The following GALNT13 variants were observed in gnomAD, a reference collection of about 807,000 sequenced individuals.
The protein encoded by GALNT13 is UDP-GalNAc:polypeptide N-acetylgalactosaminyltransferase 13.
A neutral mutation model predicts 64.2 loss-of-function variants in GALNT13; 28 were observed. The ratio of observed to expected loss-of-function variants is 0.44; its 90% CI spans 0.32 to 0.60. The LOEUF is 0.60. Ranked by LOEUF, GALNT13 falls within the 20% of genes least tolerant of loss-of-function variation. The probability of loss-of-function intolerance (pLI) is 0.05; values close to 1 mark genes in which losing one functional copy is unlikely to be tolerated. For missense variants in GALNT13, 577 were observed against 669.8 expected, an observed-to-expected ratio of 0.86 and a Z score of 1.53; for synonymous variants, 214 against 224.6, an observed-to-expected ratio of 0.95 and a Z score of 0.42.
chr2:154,193,383 T>C (rs965552358), intron 4 of GALNT13, among the ~76,000 whole-genome samples: 1 of 152,232 alleles, frequency 6.6e-6, no homozygotes, highest in African/African-American at 2.4e-5. Context: ...GTTGTTCAGT[T>C]GCATCTCCAG....
rs1701918878 is a variant in GALNT13 at position 154,452,762 on chromosome 2, T to G, written c.*2211T>G. 1 of 152,156 alleles carries G rather than the reference T, an allele frequency of 6.6e-6. No homozygotes were observed. The highest frequency in any genetic ancestry group is 6.6e-5 in the Admixed American group (1 of 15,258). The allele number at this position is 152,156 out of a possible 1,614,324, so 9.4% of individuals were successfully genotyped here. A position where few individuals can be genotyped will look rare whatever the true frequency, so the allele number is the denominator to read the frequency against. Reference sequence around the variant, plus strand: ...ATCTAACAAAAAGTGGCATAAAATATTACAAAACATCCAACACTAGAAAGC... The same window carrying G: ...ATCTAACAAAAAGTGGCATAAAATAGTACAAAACATCCAACACTAGAAAGC... On this transcript the variant is annotated 3_prime_UTR_variant, in exon 13 of 13. Transcript: ENST00000392825.
chr2:153,725,283 A>G, the GALNT13 span, among the ~76,000 whole-genome samples: 1 of 150,854 alleles, frequency 6.6e-6, no homozygotes, highest in African/African-American at 2.4e-5. Context: ...AGGAAGGGGA[A>G]TATCACACTC....
chr2:154,216,072 A>C (rs982391821), intron 4 of GALNT13, among the ~76,000 whole-genome samples: 2 of 152,144 alleles, frequency 1.3e-5, no homozygotes, highest in African/African-American at 4.8e-5. Context: ...CTTACATTAC[A>C]GTGAATGTAG....
At chr2:154,183,996 C>T (rs1397991349) in intron 4 of GALNT13, among the ~76,000 whole-genome samples, 1 of 152,016 alleles carries the variant, frequency 6.6e-6, no homozygotes, top group Admixed American at 6.6e-5. Flanking sequence ...GTTGCCAAGG[C>T]TGGCCTCAAA....
chr2:154,304,049 C>T (rs184131421), intron 9 of GALNT13, among the ~76,000 whole-genome samples: 2 of 152,130 alleles, frequency 1.3e-5, no homozygotes, highest in Non-Finnish European at 2.9e-5. Context: ...CCACCGCGCC[C>T]GCAAAAACTT....
chr2:154,346,409 C>T (rs1021398344), intron 9 of GALNT13, among the ~76,000 whole-genome samples: 19 of 152,054 alleles, frequency 1.2e-4, no homozygotes, highest in Admixed American at 2.6e-4. Context: ...CAAGTCTCAT[C>T]TTGAATTGTG....
chr2:153,452,718 C>A, the GALNT13 span, among the ~76,000 whole-genome samples: 3 of 151,950 alleles, frequency 2.0e-5, no homozygotes, highest in East Asian at 5.8e-4. Context: ...TCTACAGATT[C>A]AAGCTATTCC....
At chr2:153,433,797 G>T in the GALNT13 span, among the ~76,000 whole-genome samples, 2 of 151,700 alleles carry the variant, frequency 1.3e-5, no homozygotes, top group African/African-American at 4.8e-5. Context: ...TAGAAATAAT[G>T]GCCTTATCAG....
the GALNT13 span, among the ~76,000 whole-genome samples, chr2:153,802,828 A>G: frequency 3.3e-5 from 5 of 152,352 alleles, no homozygotes; most frequent in East Asian, 9.6e-4. Context: ...TACTGAATGG[A>G]ATCCTGTCAA....
intron 2 of GALNT13, among the ~76,000 whole-genome samples, chr2:153,908,066 T>G (rs1243741695): frequency 6.6e-6 from 1 of 151,948 alleles, no homozygotes; most frequent in Non-Finnish European, 1.5e-5. Flanking sequence ...CAACCTTGTC[T>G]GTTCTGTTAT....
the GALNT13 span, among the ~76,000 whole-genome samples, chr2:153,301,971 A>G: frequency 6.6e-6 from 1 of 151,800 alleles, no homozygotes; most frequent in Non-Finnish European, 1.5e-5. Flanking sequence ...GGTTGATTCC[A>G]TATCTTGGCT....
At chr2:154,203,011 T>C (rs992415147) in intron 4 of GALNT13, among the ~76,000 whole-genome samples, 2 of 152,098 alleles carry the variant, frequency 1.3e-5, no homozygotes, top group Non-Finnish European at 2.9e-5. Flanking sequence ...AATCTAGATT[T>C]TATACACCTG....
At chr2:154,414,695 G>T (rs1264171091) in intron 11 of GALNT13, among the ~76,000 whole-genome samples, 1 of 151,760 alleles carries the variant, frequency 6.6e-6, no homozygotes, top group Non-Finnish European at 1.5e-5. Context: ...GTTGAAAGGG[G>T]TCTTTTTTCT....
chr2:153,487,137 A>G, the GALNT13 span, among the ~76,000 whole-genome samples: 1 of 152,224 alleles, frequency 6.6e-6, no homozygotes, highest in African/African-American at 2.4e-5. Context: ...AATCTCTACA[A>G]TACCATGTTC....
chr2:153,668,305 A>G, the GALNT13 span, among the ~76,000 whole-genome samples: 4 of 152,284 alleles, frequency 2.6e-5, no homozygotes, highest in Middle Eastern at 3.4e-3. Context: ...TAGAATATAC[A>G]TTCTTCTCAT....
chr2:154,265,613 C>A (rs919128647), intron 8 of GALNT13, among the ~76,000 whole-genome samples: 1 of 152,042 alleles, frequency 6.6e-6, no homozygotes. Flanking sequence ...ACAGGAGAAT[C>A]GCTTGAACCC....
At chr2:154,039,146 A>G (rs906682561) in intron 3 of GALNT13, among the ~76,000 whole-genome samples, 1 of 152,100 alleles carries the variant, frequency 6.6e-6, no homozygotes, top group African/African-American at 2.4e-5. Flanking sequence ...ATGAAGTTTT[A>G]TACTCCATTG....
the GALNT13 span, among the ~76,000 whole-genome samples, chr2:153,449,460 C>T: frequency 2.0e-5 from 3 of 152,192 alleles, no homozygotes; most frequent in African/African-American, 7.2e-5. Flanking sequence ...ATGCCTCTGG[C>T]TCCCACACAG....
chr2:154,377,703 C>T (rs145542051), intron 9 of GALNT13, among the ~76,000 whole-genome samples: 219 of 152,242 alleles, frequency 1.4e-3, no homozygotes, highest in African/African-American at 5.0e-3. Flanking sequence ...CCAGGCATTC[C>T]TCTAGGTCCT....
Sources: allele counts gnomAD v4.1 joint callset (sites outside exome capture counted in the v4.1 genomes callset), GRCh38; gene constraint gnomAD v4.1.1; transcripts MANE v1.5; gene names NCBI Gene and HGNC (gene_info 2026-07-23, HGNC 2026-07-21).